Variants in KDM5C observed in about 807,000 individuals in gnomAD.
The protein encoded by KDM5C is lysine demethylase 5C.
A neutral mutation model predicts 110.6 loss-of-function variants in KDM5C; 16 were observed. That is an observed-to-expected ratio of 0.14 (90% CI 0.10 to 0.22). The LOEUF is 0.22. KDM5C is among the 10% of genes least tolerant of loss of function. The probability of loss-of-function intolerance (pLI) is 1.00; values close to 1 mark genes in which losing one functional copy is unlikely to be tolerated. For synonymous variants in KDM5C, 511 were observed against 520.4 expected (o/e 0.98, Z 0.24); for missense variants, 681 against 1,300.9 (o/e 0.52, Z 7.33).
chrX:53,192,866 C>G lies in KDM5C; in HGVS notation c.*101G>C. The G allele has an allele frequency of 9.9e-6, 8 of 806,010 alleles. No individual in the cohort carries two copies. The highest frequency in any genetic ancestry group is 1.3e-5 in the Non-Finnish European group (8 of 597,575). The allele number at this position is 806,010 out of a possible 1,213,427, so 66.4% of individuals were successfully genotyped here. ...GGCGGGTAGCAGGGATGGCCACCCC[C>G]CTACCCGCCCACCCCCCAAGAAGCA... On this transcript the variant is annotated 3_prime_UTR_variant, in exon 26 of 26. Transcript: ENST00000375401.
chrX:53,183,408 T>C (rs1934123074), intron 25 of KDM5C, among the ~76,000 whole-genome samples: 1 of 107,919 alleles, frequency 9.3e-6, no homozygotes, highest in Non-Finnish European at 1.9e-5. Flanking sequence ...TGAGCCAAGA[T>C]TACGCCACTG....
At position 53,198,673 on chromosome X, in the gene KDM5C, T is replaced by C. The variant is rs375304865; in HGVS notation, c.2369-36A>G. On this transcript the variant is annotated intron_variant, in intron 16 of 25. Transcript: ENST00000375401. ...AATGAGGGCAGCAAAGAGTAGGCAG[T>C]ATTGAATAGAGGCAGAGGAAGGGGG... 5 of 1,209,787 alleles carry C rather than the reference T, an allele frequency of 4.1e-6. No homozygotes were observed. In the African/African-American group the frequency reaches 8.8e-5, roughly 21 times the overall value.
intron 12 of KDM5C, among the ~76,000 whole-genome samples, chrX:53,209,809 G>A (rs1211824088): frequency 1.8e-5 from 2 of 112,271 alleles, no homozygotes; most frequent in African/African-American, 6.5e-5. Flanking sequence ...GTTTTAAAGG[G>A]TAAGAAAGAA....
chrX:53,203,342 G>A (rs1556843382), intron 12 of KDM5C, among the ~76,000 whole-genome samples: 2 of 111,677 alleles, frequency 1.8e-5, no homozygotes, highest in African/African-American at 6.5e-5. Context: ...TTTCACTCAT[G>A]TACTGGGTAG....
chrX:53,176,467 T>C (rs1192798352), exon 26 of KDM5C, among the ~76,000 whole-genome samples: 3 of 111,632 alleles, frequency 2.7e-5, no homozygotes, highest in African/African-American at 9.8e-5. Flanking sequence ...AGGGGTCTGG[T>C]GTCTCACCGT....
In KDM5C at chrX:53,192,874, C is replaced by CCCCCCCCCCCCCCCCCA; in HGVS notation, c.*92_*93insTGGGGGGGGGGGGGGGG. The CCCCCCCCCCCCCCCCCA allele has an allele frequency of 1.1e-6, 1 of 935,226 alleles. No individual in the cohort carries two copies. The allele number at this position is 935,226 out of a possible 1,213,427, so 77.1% of individuals were successfully genotyped here. ...GCAGGGATGGCCACCCCCCTACCCG[C>CCCCCCCCCCCCCCCCCA]CCACCCCCCAAGAAGCAGGCTTGAT... On this transcript the variant is annotated 3_prime_UTR_variant, in exon 26 of 26. Coordinates refer to ENST00000375401, the MANE Select transcript of KDM5C (RefSeq NM_004187.5).
chrX:53,188,036 C>CCG (rs1934280599), downstream of KDM5C, among the ~76,000 whole-genome samples: 1 of 110,641 alleles, frequency 9.0e-6, no homozygotes, highest in African/African-American at 3.3e-5. Context: ...GCCACTGCAC[C>CCG]CGGCCAAAAA....
intron 2 of KDM5C, among the ~76,000 whole-genome samples, chrX:53,219,852 A>G (rs781824089): frequency 3.6e-5 from 4 of 112,109 alleles, no homozygotes; most frequent in Admixed American, 9.4e-5. Flanking sequence ...CCCTTGTGTC[A>G]TGCTAGGCAA....
chrX:53,208,720 G>C (rs1391292371), intron 12 of KDM5C, among the ~76,000 whole-genome samples: 3 of 103,631 alleles, frequency 2.9e-5, no homozygotes, highest in South Asian at 8.6e-4. Context: ...GGCCAGGCTG[G>C]TCTCGAACTC....
At position 53,224,926 on chromosome X, in the gene KDM5C, T is replaced by C. The variant is rs893943587; in HGVS notation, c.-37A>G. The C allele has an allele frequency of 4.2e-5, 50 of 1,176,994 alleles. No individual in the cohort carries two copies. The highest frequency in any genetic ancestry group is 6.9e-5 in the Admixed American group (3 of 43,222). Reference sequence around the variant, plus strand: ...GGTCTGGGCCAGGGATCGGGAGGCTTGGACCGCCCTTAAGGACTCATGGCG... The same window carrying C: ...GGTCTGGGCCAGGGATCGGGAGGCTCGGACCGCCCTTAAGGACTCATGGCG... On this transcript the variant is annotated 5_prime_UTR_variant, in exon 1 of 26. Transcript: ENST00000375401.
intron 14 of KDM5C, among the ~76,000 whole-genome samples, chrX:53,199,449 G>A (rs781813835): frequency 8.9e-6 from 1 of 111,742 alleles, no homozygotes; most frequent in East Asian, 2.8e-4. Flanking sequence ...GGTGAGAAGT[G>A]AGGAAAGTGG....
intron 7 of KDM5C, chrX:53,215,078 C>T: frequency 2.1e-6 from 1 of 487,475 alleles, no homozygotes; most frequent in Admixed American, 2.8e-5. Context: ...GTATTCAGAA[C>T]TACGCTGGAC....
At chrX:53,203,773 T>G (rs1354350244) in intron 12 of KDM5C, among the ~76,000 whole-genome samples, 1 of 98,011 alleles carries the variant, frequency 1.0e-5, no homozygotes, top group Non-Finnish European at 2.0e-5. Context: ...CAGTTTTTTG[T>G]TTTTTTTTTT....
intron 12 of KDM5C, among the ~76,000 whole-genome samples, chrX:53,209,738 T>C (rs1556847771): frequency 8.9e-6 from 1 of 112,100 alleles, no homozygotes; most frequent in Non-Finnish European, 1.9e-5. Flanking sequence ...TAATCAATGC[T>C]AGAAATTCCC....
Position 53,192,657 on chromosome X carries a change from A to T in KDM5C, c.*310T>A. On this transcript the variant is annotated 3_prime_UTR_variant, in exon 26 of 26. Transcript: ENST00000375401. ...GCATATACACTGGCCTTGTCTCTGGAATGGTGATGGCCCAGCCCCAGCCAC... is the reference window on the plus strand; with the variant it reads ...GCATATACACTGGCCTTGTCTCTGGTATGGTGATGGCCCAGCCCCAGCCAC... The T allele has an allele frequency of 2.0e-6, 2 of 1,006,916 alleles. No individual in the cohort carries two copies. Among genetic ancestry groups the T allele is most frequent in the South Asian group, 2.1e-5 (1 of 47,904 alleles). 83.0% of individuals were successfully genotyped at this position (1,006,916 alleles called of 1,213,427 possible).
chrX:53,224,201 T>G (rs1485546833), intron 1 of KDM5C, among the ~76,000 whole-genome samples: 1 of 111,835 alleles, frequency 8.9e-6, no homozygotes, highest in Non-Finnish European at 1.9e-5. Flanking sequence ...TTTAATTCAA[T>G]CCTCTAAATA....
intron 1 of KDM5C, 56 bp from the exon 2 acceptor site, chrX:53,220,972 G>A (rs912105869): frequency 1.3e-5 from 14 of 1,037,545 alleles, no homozygotes; most frequent in Admixed American, 1.3e-4. Context: ...GTGTAAGACC[G>A]GAAGTCACCA....
At chrX:53,186,433 G>T (rs1373235669), downstream of KDM5C, among the ~76,000 whole-genome samples, 3 of 112,185 alleles carry the variant, frequency 2.7e-5, no homozygotes, top group Admixed American at 9.5e-5. Context: ...ATGGTGAGTT[G>T]TGTGTTAACT....
intron 5 of KDM5C, among the ~76,000 whole-genome samples, chrX:53,216,591 T>A (rs1010600157): frequency 1.8e-5 from 2 of 112,080 alleles, no homozygotes; most frequent in African/African-American, 6.5e-5. Context: ...CATCTTGTTC[T>A]CTATTGTATT....
Sources: gnomAD v4.1 joint callset for allele counts (sites outside exome capture counted in the v4.1 genomes callset) on GRCh38, gnomAD v4.1.1 for gene constraint, MANE v1.5 for transcripts, NCBI Gene and HGNC (gene_info 2026-07-23, HGNC 2026-07-21) for gene names.